The following HSH2D variants were observed in gnomAD, a reference collection of about 807,000 sequenced individuals.
HSH2D encodes the protein hematopoietic SH2 domain-containing protein.
Under a neutral mutation model 21.5 loss-of-function variants are expected in HSH2D, and 16 were observed. The ratio of observed to expected loss-of-function variants is 0.74; its 90% CI spans 0.50 to 1.13. HSH2D has a LOEUF of 1.13. Among genes scored for constraint, HSH2D ranks in the 50% most tolerant of loss-of-function variants. The probability of loss-of-function intolerance (pLI) is 0.00; values close to 1 mark genes in which losing one functional copy is unlikely to be tolerated. For synonymous variants in HSH2D, 172 were observed against 184.7 expected (o/e 0.93, Z 0.56); for missense variants, 418 against 441.4 (o/e 0.95, Z 0.47).
intron 1 of HSH2D, among the ~76,000 whole-genome samples, chr19:16,147,847 G>A (rs1568329572): frequency 6.6e-6 from 1 of 152,090 alleles, no homozygotes; most frequent in African/African-American, 2.4e-5. Context: ...GTTTCACCAC[G>A]TGGCCCAGGC....
intron 1 of HSH2D, among the ~76,000 whole-genome samples, chr19:16,144,633 T>C (rs1348181545): frequency 1.3e-5 from 2 of 150,442 alleles, no homozygotes; most frequent in Admixed American, 6.6e-5. Flanking sequence ...ACACAGCGGC[T>C]AAGTGGGCGA....
At chr19:16,134,574 G>A (rs62117912) in intron 1 of HSH2D, among the ~76,000 whole-genome samples, 21,617 of 151,010 alleles carry the variant, frequency 0.14, 1,823 homozygotes, top group East Asian at 0.29. Flanking sequence ...GCCAGACCCA[G>A]GTCGGTTTCA....
intron 1 of HSH2D, among the ~76,000 whole-genome samples, chr19:16,146,808 T>C (rs2091076716): frequency 6.6e-6 from 1 of 151,934 alleles, no homozygotes; most frequent in Admixed American, 6.6e-5. Flanking sequence ...TGATATTTAC[T>C]TAATATTTAA....
At chr19:16,146,916 C>G (rs573394206) in intron 1 of HSH2D, among the ~76,000 whole-genome samples, 1 of 151,576 alleles carries the variant, frequency 6.6e-6, no homozygotes, top group South Asian at 2.1e-4. Context: ...ACCTCTGCCT[C>G]CTGAGTTCTA....
Position 16,154,429 on chromosome 19 carries a change from CT to C in HSH2D, c.413del (p.Leu138ProfsTer41). 6.4e-7 allele frequency: 1 copy of C among 1,551,996 alleles called. No individual in the cohort carries two copies. Among genetic ancestry groups the C allele is most frequent in the Non-Finnish European group, 8.7e-7 (1 of 1,147,286 alleles). ...KDPANVDYED[L>X]FLYSNAVAEE... ...TCCCGCAAACGTGGATTACGAGGAT[CT>C]CTTCCTCTACTCCAACGCAGTGGCC... On this transcript the variant is annotated frameshift_variant, in exon 5 of 6. Transcript: ENST00000613986. LOFTEE classifies it high-confidence loss of function.
chr19:16,152,633 C>T lies in HSH2D; in HGVS notation c.207C>T (p.Leu69=), dbSNP rs372296907. 1 of 1,539,732 alleles carries T rather than the reference C, an allele frequency of 6.5e-7. No homozygotes were observed. The highest frequency in any genetic ancestry group is 8.7e-7 in the Non-Finnish European group (1 of 1,145,626). ...GTCACAGCCATGTGGGCTACACACT[C>T]TCCTACAAGTAAGGCCTGGGCCGGG... ...RVSHSHVGYT[L]SYKAQSSCCH... Residue 69 remains leucine, a synonymous_variant, in exon 3 of 6, where the codon CTC becomes CTT. Transcript: ENST00000613986.
chr19:16,156,670 A>AGT (rs1490554479), intron 5 of HSH2D, among the ~76,000 whole-genome samples: 1 of 152,088 alleles, frequency 6.6e-6, no homozygotes, highest in African/African-American at 2.4e-5. Flanking sequence ...AAGTTGAAAT[A>AGT]TTTACTCTCT....
chr19:16,158,033 C>T lies in HSH2D; in HGVS notation c.*239C>T, dbSNP rs1045971385. ...TGGGGCACCAGCTATACATCAGCCC[C>T]AGTGCCAGACCTTCTATTCATTATT... On this transcript the variant is annotated 3_prime_UTR_variant, in exon 6 of 6. Coordinates refer to ENST00000613986, the MANE Select transcript of HSH2D (RefSeq NM_001382417.1). 8.4e-6 allele frequency: 4 copies of T among 478,148 alleles called. No homozygotes were observed. Among genetic ancestry groups the T allele is most frequent in the Non-Finnish European group, 1.5e-5 (4 of 271,442 alleles). The allele number at this position is 478,148 out of a possible 1,614,324, so 29.6% of individuals were successfully genotyped here.
rs141436762 is a variant in HSH2D at position 16,134,880 on chromosome 19, G to C, written c.-324+645G>C. On this transcript the variant is annotated intron_variant, in intron 1 of 7. Transcript: ENST00000616645. ...CTTATGCCTATAATCCCAGTGCCTT[G>C]AGAGGCAGAGGCAGGGGAATAGCTT... Among the ~76,000 whole-genome samples the C allele has an allele frequency of 8.4e-4, 127 of 151,798 alleles. 1 individual carries two copies. Among genetic ancestry groups the C allele is most frequent in the African/African-American group, 3.0e-3 (126 of 41,402 alleles).
At chr19:16,144,455 G>T (rs1035147498) in intron 1 of HSH2D, among the ~76,000 whole-genome samples, 1 of 151,778 alleles carries the variant, frequency 6.6e-6, no homozygotes. Flanking sequence ...AAAAGAATAA[G>T]CCTGTAAACA....
chr19:16,152,432 GGAAAAAA>G (rs1292748170), intron 2 of HSH2D, 113 bp from the exon 3 acceptor site: 8 of 527,358 alleles, frequency 1.5e-5, no homozygotes, highest in Non-Finnish European at 2.5e-5. Context: ...AAAAAAAAAA[GGAAAAAA>G]GAAAAATGAA....
chr19:16,157,158 A>C lies in HSH2D; in HGVS notation c.475-52A>C. The C allele has an allele frequency of 6.9e-7, 1 of 1,439,428 alleles. No homozygotes were observed. Among genetic ancestry groups the C allele is most frequent in the Non-Finnish European group, 9.4e-7 (1 of 1,068,990 alleles). 89.2% of individuals were successfully genotyped at this position (1,439,428 alleles called of 1,614,324 possible). A position where few individuals can be genotyped will look rare whatever the true frequency, so the allele number is the denominator to read the frequency against. ...CCAGGCTCCAATTTCTGGGACAGAC[A>C]TGGTGCTCTGGTGGGCAAGCTGCCC... On this transcript the variant is annotated intron_variant, in intron 5 of 5. Coordinates refer to ENST00000613986, the MANE Select transcript of HSH2D (RefSeq NM_001382417.1). This position sits in a 1 kb window ranked among gnomAD's most constrained non-coding sequence, Gnocchi z 4.4.
Position 16,150,746 on chromosome 19 carries a change from T to C in HSH2D, c.126-1806T>C, listed in dbSNP as rs886786052. ...TGTGGAACATGCCTGTGGTTCTGGCTACTCAGGAGGCTGAGGTGGGAGGAT... is the reference window on the plus strand; with the variant it reads ...TGTGGAACATGCCTGTGGTTCTGGCCACTCAGGAGGCTGAGGTGGGAGGAT... On this transcript the variant is annotated intron_variant, in intron 2 of 5. Coordinates refer to ENST00000613986, the MANE Select transcript of HSH2D (RefSeq NM_001382417.1). Among the ~76,000 whole-genome samples the C allele has an allele frequency of 2.7e-4, 41 of 152,092 alleles. 1 individual carries two copies. Among genetic ancestry groups the C allele is most frequent in the African/African-American group, 9.4e-4 (39 of 41,492 alleles).
chr19:16,157,780 C>G lies in HSH2D; in HGVS notation c.1045C>G (p.Pro349Ala), dbSNP rs781376885. 3.1e-6 allele frequency: 5 copies of G among 1,602,388 alleles called. No homozygotes were observed. In the African/African-American group the frequency reaches 6.7e-5, roughly 21 times the overall value. ...EEYQQPPPFA[P>A]GYC ...GTACCAACAACCGCCACCCTTTGCCCCTGGGTACTGCTAGAGAACAGGTCC... is the reference window on the plus strand; with the variant it reads ...GTACCAACAACCGCCACCCTTTGCCGCTGGGTACTGCTAGAGAACAGGTCC... Residue 349 changes from proline (P) to alanine (A), a missense_variant, in exon 6 of 6, where the codon CCT becomes GCT. Pro to Ala is a conservative substitution (Grantham distance 27). Coordinates refer to ENST00000613986, the MANE Select transcript of HSH2D (RefSeq NM_001382417.1). This position sits in a 1 kb window ranked among gnomAD's most constrained non-coding sequence, Gnocchi z 4.4.
chr19:16,142,683 G>A (rs1383606130), upstream of HSH2D, among the ~76,000 whole-genome samples: 4 of 151,932 alleles, frequency 2.6e-5, no homozygotes, highest in South Asian at 2.1e-4. Flanking sequence ...GGCTGGTCGC[G>A]AACTCCTGAC....
chr19:16,143,008 A>T (rs1385278190), upstream of HSH2D, among the ~76,000 whole-genome samples: 1 of 151,448 alleles, frequency 6.6e-6, no homozygotes, highest in South Asian at 2.1e-4. Context: ...GCCTCAAATG[A>T]TCCACCCGCC....
intron 3 of HSH2D, 84 bp downstream of exon 3, chr19:16,152,725 G>C (rs577394348): frequency 4.2e-4 from 430 of 1,017,826 alleles, no homozygotes; most frequent in Admixed American, 1.5e-3. Context: ...TCATGTCATA[G>C]CTTCTCAGAA....
rs138585011 is a variant in HSH2D, at chr19:16,147,138, T to C, written c.-27-1586T>C. 2.0e-3 allele frequency among the ~76,000 whole-genome samples: 310 copies of C among 152,216 alleles called. 4 individuals are homozygous for C. Among genetic ancestry groups the C allele is most frequent in the African/African-American group, 7.2e-3 (298 of 41,536 alleles). ...ACCATGCCCAGCTCTAAATACTCTA[T>C]TCTTAAATTTCAAAACATTTATTTA... On this transcript the variant is annotated intron_variant, in intron 1 of 5. Coordinates refer to ENST00000613986, the MANE Select transcript of HSH2D (RefSeq NM_001382417.1).
upstream of HSH2D, among the ~76,000 whole-genome samples, chr19:16,141,083 A>G (rs1397872461): frequency 6.6e-6 from 1 of 152,198 alleles, no homozygotes; most frequent in Admixed American, 6.5e-5. Flanking sequence ...TGTGCTGGAG[A>G]GTTGCCTCTC....
Sources: gnomAD v4.1 joint callset for allele counts (sites outside exome capture counted in the v4.1 genomes callset) on GRCh38, gnomAD v4.1.1 for gene constraint, Gnocchi (gnomAD v3.1) non-coding constraint, MANE v1.5 for transcripts, NCBI Gene and HGNC (gene_info 2026-07-23, HGNC 2026-07-21) for gene names.